PPP2R3A: variants seen among roughly 807,000 people sequenced by gnomAD.
PPP2R3A encodes serine/threonine-protein phosphatase 2A regulatory subunit B'' subunit alpha.
Under a neutral mutation model 106.9 loss-of-function variants are expected in PPP2R3A, and 80 were observed. That is an observed-to-expected ratio of 0.75 (90% CI 0.62 to 0.90). The LOEUF (loss-of-function observed/expected upper bound fraction) is 0.90, where lower values mean the gene tolerates loss of function less well. Among genes scored for constraint, PPP2R3A ranks in the 40% least tolerant of loss-of-function variants. The probability of loss-of-function intolerance (pLI) is 0.00; values close to 1 mark genes in which losing one functional copy is unlikely to be tolerated. For synonymous variants in PPP2R3A, 483 were observed against 468.3 expected (o/e 1.03, Z -0.41); for missense variants, 1,386 against 1,350.4 (o/e 1.03, Z -0.41).
chr3:136,046,145 C>T (rs1444995178), intron 4 of PPP2R3A, among the ~76,000 whole-genome samples: 1 of 151,872 alleles, frequency 6.6e-6, no homozygotes, highest in East Asian at 1.9e-4. Flanking sequence ...CCATTGTACT[C>T]CAGCCTTGGT....
At chr3:136,014,909 C>T (rs935619868) in intron 2 of PPP2R3A, among the ~76,000 whole-genome samples, 1 of 152,064 alleles carries the variant, frequency 6.6e-6, no homozygotes, top group Admixed American at 6.6e-5. Flanking sequence ...TTCCACTGCT[C>T]AGGGGGAGTC....
At chr3:135,996,717 C>T (rs181751263) in intron 1 of PPP2R3A, among the ~76,000 whole-genome samples, 4 of 152,330 alleles carry the variant, frequency 2.6e-5, no homozygotes, top group African/African-American at 9.6e-5. Flanking sequence ...TCTACTTCTA[C>T]ATCAGTCCTG....
At chr3:136,027,622 A>T (rs189295385) in intron 3 of PPP2R3A, among the ~76,000 whole-genome samples, 1 of 152,258 alleles carries the variant, frequency 6.6e-6, no homozygotes, top group East Asian at 1.9e-4. Context: ...CTCTGACTTG[A>T]TTCTGTGCCT....
chr3:136,000,919 G>A (rs1422389693), intron 1 of PPP2R3A, 140 bp from the exon 2 acceptor site: 1 of 375,932 alleles, frequency 2.7e-6, no homozygotes, highest in African/African-American at 2.1e-5. Flanking sequence ...ATGAAACAAA[G>A]GCATGAGTTG....
At chr3:136,102,307 T>C in intron 11 of PPP2R3A, 125 bp downstream of exon 11, 1 of 1,064,040 alleles carries the variant, frequency 9.4e-7, no homozygotes, top group Non-Finnish European at 1.3e-6. Context: ...AGGACAGAAG[T>C]GTTTAAAGTT....
intron 4 of PPP2R3A, among the ~76,000 whole-genome samples, chr3:136,045,410 G>A (rs1935438348): frequency 6.6e-6 from 1 of 152,190 alleles, no homozygotes; most frequent in Non-Finnish European, 1.5e-5. Context: ...TGGCGGAAGA[G>A]CCCTTACTCT....
chr3:136,139,619 G>C (rs973688515), intron 13 of PPP2R3A, among the ~76,000 whole-genome samples: 5 of 151,102 alleles, frequency 3.3e-5, no homozygotes, highest in African/African-American at 1.2e-4. Context: ...CTTGAACCTC[G>C]GAGGCAGAGG....
At chr3:136,055,765 AT>A in intron 5 of PPP2R3A, 2 of 637,992 alleles carry the variant, frequency 3.1e-6, no homozygotes, top group Non-Finnish European at 5.6e-6. Flanking sequence ...GGTGATGAGA[AT>A]TTTTTAAAAA....
At chr3:136,022,295 A>G (rs1934492861) in intron 2 of PPP2R3A, among the ~76,000 whole-genome samples, 1 of 152,116 alleles carries the variant, frequency 6.6e-6, no homozygotes, top group Non-Finnish European at 1.5e-5. Context: ...CAAATTTTCA[A>G]ATATGTTCAT....
At chr3:136,137,615 C>T (rs867294329) in intron 13 of PPP2R3A, among the ~76,000 whole-genome samples, 2 of 134,844 alleles carry the variant, frequency 1.5e-5, no homozygotes, top group African/African-American at 5.5e-5. Context: ...GATCTCCGCT[C>T]ACTGCAAGCT....
intron 3 of PPP2R3A, among the ~76,000 whole-genome samples, chr3:136,032,899 C>G (rs1456392238): frequency 1.3e-5 from 2 of 152,186 alleles, no homozygotes; most frequent in Non-Finnish European, 1.5e-5. Flanking sequence ...CTGACTAGGA[C>G]TTCCAGTACT....
rs540349553 is a variant in PPP2R3A, at chr3:136,102,325, G to A, written c.3103+143G>A. The A allele has an allele frequency of 4.6e-6, 3 of 655,864 alleles. No individual in the cohort carries two copies. In the African/African-American group the frequency reaches 5.7e-5, roughly 13 times the overall value. The allele number at this position is 655,864 out of a possible 1,614,324, so 40.6% of individuals were successfully genotyped here. Reference sequence around the variant, plus strand: ...ACAGAAGTGTTTAAAGTTTCTCCTTGACTATTAGTGTAGCAACTTTTTTTT... The same window carrying A: ...ACAGAAGTGTTTAAAGTTTCTCCTTAACTATTAGTGTAGCAACTTTTTTTT... On this transcript the variant is annotated intron_variant, in intron 11 of 13. Transcript: ENST00000264977.
intron 13 of PPP2R3A, among the ~76,000 whole-genome samples, chr3:136,130,716 A>G (rs180849039): frequency 2.0e-5 from 3 of 152,340 alleles, no homozygotes; most frequent in South Asian, 4.1e-4. Flanking sequence ...ATCCTAAGCA[A>G]AAAGAACAAA....
At chr3:136,008,870 ACT>A (rs781639941) in intron 2 of PPP2R3A, among the ~76,000 whole-genome samples, 8 of 151,072 alleles carry the variant, frequency 5.3e-5, no homozygotes, top group Non-Finnish European at 1.2e-4. Context: ...CTTCACCACC[ACT>A]CTCTGACTTA....
intron 1 of PPP2R3A, among the ~76,000 whole-genome samples, chr3:135,981,232 G>C (rs1458715514): frequency 6.6e-6 from 1 of 151,790 alleles, no homozygotes; most frequent in Admixed American, 6.5e-5. Context: ...TGTTGGCGGT[G>C]TTTCTTGGTT....
At chr3:136,096,879 C>T (rs1331173855) in intron 10 of PPP2R3A, among the ~76,000 whole-genome samples, 3 of 152,078 alleles carry the variant, frequency 2.0e-5, no homozygotes, top group Admixed American at 6.6e-5. Context: ...CGCTTGAACC[C>T]GGGGGTTGGG....
intron 1 of PPP2R3A, among the ~76,000 whole-genome samples, chr3:135,995,325 A>G (rs1318743078): frequency 6.6e-6 from 1 of 152,168 alleles, no homozygotes; most frequent in Non-Finnish European, 1.5e-5. Flanking sequence ...ATCTCATCTA[A>G]GATTATAAAA....
At chr3:136,017,285 C>A (rs2107809413) in intron 2 of PPP2R3A, among the ~76,000 whole-genome samples, 1 of 152,256 alleles carries the variant, frequency 6.6e-6, no homozygotes, top group East Asian at 1.9e-4. Flanking sequence ...AACCTGATGA[C>A]TGTGCCTAGG....
chr3:135,993,366 C>G (rs1375589690), intron 1 of PPP2R3A, among the ~76,000 whole-genome samples: 1 of 152,154 alleles, frequency 6.6e-6, no homozygotes, highest in Non-Finnish European at 1.5e-5. Context: ...TGGGATACCA[C>G]TTCACACTCA....
Sources: gnomAD v4.1 joint callset for allele counts (sites outside exome capture counted in the v4.1 genomes callset) on GRCh38, gnomAD v4.1.1 for gene constraint, MANE v1.5 for transcripts, NCBI Gene and HGNC (gene_info 2026-07-23, HGNC 2026-07-21) for gene names.